Variants in PRTG observed in about 807,000 individuals in gnomAD.
The protein encoded by PRTG is protogenin, also known as immunoglobulin superfamily, DCC subclass, member 5.
PRTG carries 67 observed loss-of-function variants against 122.5 expected under a neutral mutation model. The ratio of observed to expected loss-of-function variants is 0.55; its 90% CI spans 0.45 to 0.67. PRTG has a LOEUF of 0.67. PRTG is among the 30% of genes least tolerant of loss of function. PRTG has a pLI of 0.00. For missense variants in PRTG, 1,435 were observed against 1,415.4 expected, an observed-to-expected ratio of 1.01 and a Z score of -0.22; for synonymous variants, 554 against 501.1, an observed-to-expected ratio of 1.11 and a Z score of -1.41.
rs757262984 is a variant in PRTG at position 55,620,155 on chromosome 15, G to C, written c.3310C>G (p.Pro1104Ala). ...TCTGTATCAGCTGCAACACCAAAGG[G>C]TCTTGAGAAGCTGGTTGTCTGACCT... ...SPGQTTSFSR[P>A]FGVAADTEHS... The change falls in exon 20 of 20, where the codon CCC becomes GCC. Residue 1104 changes from proline (P) to alanine (A), a missense_variant. By Grantham distance (27) the Pro-to-Ala change is conservative. Coordinates refer to ENST00000389286, the MANE Select transcript of PRTG (RefSeq NM_173814.6). 8 of 1,614,160 alleles carry C rather than the reference G, an allele frequency of 5.0e-6. No homozygotes were observed. The highest frequency in any genetic ancestry group is 6.8e-6 in the Non-Finnish European group (8 of 1,180,030).
intron 2 of PRTG, among the ~76,000 whole-genome samples, chr15:55,698,878 C>T (rs2059646567): frequency 1.4e-5 from 2 of 144,582 alleles, no homozygotes; most frequent in Non-Finnish European, 1.5e-5. Flanking sequence ...GGAGAGAGTG[C>T]GGGGGTGGGG....
chr15:55,663,982 T>C (rs959173461), intron 11 of PRTG, among the ~76,000 whole-genome samples: 3 of 152,238 alleles, frequency 2.0e-5, no homozygotes, highest in African/African-American at 7.2e-5. Flanking sequence ...TTGCTGCTTT[T>C]TACTGCTGAG....
chr15:55,646,447 C>T (rs62017990), intron 11 of PRTG, among the ~76,000 whole-genome samples: 3 of 152,040 alleles, frequency 2.0e-5, no homozygotes, highest in African/African-American at 7.2e-5. Flanking sequence ...CTCAGCCTCC[C>T]AAGTAGCTAG....
At chr15:55,697,643 C>A (rs1307662124) in intron 2 of PRTG, among the ~76,000 whole-genome samples, 1 of 152,168 alleles carries the variant, frequency 6.6e-6, no homozygotes, top group Admixed American at 6.5e-5. Flanking sequence ...AGGCGCACTA[C>A]ACCACACCCA....
At chr15:55,738,648 T>G (rs2414431) in intron 2 of PRTG, 66,679 of 599,698 alleles carry the variant, frequency 0.11, 4,959 homozygotes, top group East Asian at 0.33. Context: ...GCACACTATC[T>G]TTAAAACAGT....
intron 11 of PRTG, among the ~76,000 whole-genome samples, chr15:55,643,501 A>G (rs1175842265): frequency 6.6e-6 from 1 of 152,038 alleles, no homozygotes; most frequent in Non-Finnish European, 1.5e-5. Flanking sequence ...TGATGCAGTT[A>G]TAGCTCACTG....
In PRTG at chr15:55,680,324, A is replaced by C. The variant is rs1444010625; in HGVS notation, c.815-112T>G. ...TGAAAAGTATAAAATTAAATATAAA[A>C]TTCTCCATGTTAAGACCTTTTCTCT... On this transcript the variant is annotated intron_variant, in intron 5 of 19. Transcript: ENST00000389286. 1.5e-5 allele frequency: 17 copies of C among 1,127,006 alleles called. No individual in the cohort carries two copies. In the East Asian group the frequency reaches 3.9e-4, roughly 26 times the overall value. 69.8% of individuals were successfully genotyped at this position (1,127,006 alleles called of 1,614,324 possible). A position where few individuals can be genotyped will look rare whatever the true frequency, so the allele number is the denominator to read the frequency against.
intron 2 of PRTG, among the ~76,000 whole-genome samples, chr15:55,691,624 T>A (rs946533008): frequency 2.0e-5 from 3 of 148,252 alleles, no homozygotes; most frequent in Non-Finnish European, 4.4e-5. Flanking sequence ...GAGGTTGCAG[T>A]GAGCCGAGAT....
At chr15:55,667,319 A>G (rs1461046934) in intron 11 of PRTG, among the ~76,000 whole-genome samples, 1 of 152,118 alleles carries the variant, frequency 6.6e-6, no homozygotes, top group Non-Finnish European at 1.5e-5. Flanking sequence ...TGGCAAATGA[A>G]AAATCTTTTC....
chr15:55,714,115 T>C (rs558816409), intron 2 of PRTG, among the ~76,000 whole-genome samples: 4 of 152,304 alleles, frequency 2.6e-5, no homozygotes, highest in Admixed American at 2.0e-4. Context: ...ATCATTGCTA[T>C]GTATTGGGAA....
At chr15:55,676,652 C>T (rs1489802275) in intron 8 of PRTG, among the ~76,000 whole-genome samples, 1 of 152,132 alleles carries the variant, frequency 6.6e-6, no homozygotes, top group East Asian at 1.9e-4. Context: ...TTCTGACCTA[C>T]CAAACAAGGT....
intron 15 of PRTG, 105 bp downstream of exon 15, chr15:55,637,065 C>T (rs903080963): frequency 2.0e-6 from 2 of 1,000,082 alleles, no homozygotes; most frequent in Non-Finnish European, 2.8e-6. Context: ...TTACTTCATA[C>T]ATAAAAATGT....
chr15:55,669,827 G>A (rs978013716), intron 11 of PRTG, among the ~76,000 whole-genome samples: 4 of 152,166 alleles, frequency 2.6e-5, no homozygotes, highest in Non-Finnish European at 5.9e-5. Context: ...ATCCTGAACT[G>A]CAATCAGTCC....
chr15:55,698,056 T>C (rs559866488), intron 2 of PRTG, among the ~76,000 whole-genome samples: 4 of 152,246 alleles, frequency 2.6e-5, no homozygotes, highest in African/African-American at 9.6e-5. Flanking sequence ...CCATTCCAAC[T>C]TGCACCAAGG....
At chr15:55,662,483 C>A (rs1437963118) in intron 11 of PRTG, among the ~76,000 whole-genome samples, 1 of 152,158 alleles carries the variant, frequency 6.6e-6, no homozygotes, top group Non-Finnish European at 1.5e-5. Flanking sequence ...CTATATTTTT[C>A]CCATAATATG....
Position 55,742,731 on chromosome 15 carries a change from G to C in PRTG, c.94+107C>G, listed in dbSNP as rs890540825. The C allele has an allele frequency of 4.4e-6, 6 of 1,369,252 alleles. No individual in the cohort carries two copies. In the East Asian group the frequency reaches 1.6e-4, roughly 37 times the overall value. The allele number at this position is 1,369,252 out of a possible 1,614,324, so 84.8% of individuals were successfully genotyped here. A position where few individuals can be genotyped will look rare whatever the true frequency, so the allele number is the denominator to read the frequency against. ...GCCGGGGGTCAGCGCCACCACGGAG[G>C]ACCCCGCCGCGCGCTCCCCACGCCC... On this transcript the variant is annotated intron_variant, in intron 1 of 19. Transcript: ENST00000389286.
chr15:55,630,421 C>A (rs1190761743), intron 15 of PRTG, among the ~76,000 whole-genome samples: 2 of 152,166 alleles, frequency 1.3e-5, no homozygotes, highest in Non-Finnish European at 2.9e-5. Context: ...CCGCACCCAG[C>A]CTGGCCTAAT....
rs1415505448 is a variant in PRTG, at chr15:55,617,891, A to G, written c.*2121T>C. The G allele has an allele frequency of 3.9e-5, 6 of 152,156 alleles. No homozygotes were observed. The highest frequency in any genetic ancestry group is 8.8e-5 in the Non-Finnish European group (6 of 68,030). The allele number at this position is 152,156 out of a possible 1,614,324, so 9.4% of individuals were successfully genotyped here. ...TTAGATACTGATAAAAGTTGGCCCT[A>G]TATACTTCTACTTACCAACCACAAA... On this transcript the variant is annotated 3_prime_UTR_variant, in exon 20 of 20. Transcript: ENST00000389286.
intron 15 of PRTG, among the ~76,000 whole-genome samples, chr15:55,635,500 T>C (rs558290): frequency 0.56 from 85,637 of 152,026 alleles, 26,758 homozygotes; most frequent in Non-Finnish European, 0.69. Context: ...AATTGTTGAC[T>C]CAAAGAATTG....
Sources: gnomAD v4.1 joint callset for allele counts (sites outside exome capture counted in the v4.1 genomes callset) on GRCh38, gnomAD v4.1.1 for gene constraint, MANE v1.5 for transcripts, NCBI Gene and HGNC (gene_info 2026-07-23, HGNC 2026-07-21) for gene names.